Variants in ZNF616 observed in about 807,000 individuals in gnomAD.
The protein encoded by ZNF616 is zinc finger protein 616.
A neutral mutation model predicts 7.6 loss-of-function variants in ZNF616; 5 were observed. That is an observed-to-expected ratio of 0.66 (90% CI 0.34 to 1.38). The LOEUF (loss-of-function observed/expected upper bound fraction) is 1.38. Among genes scored for constraint, ZNF616 ranks in the 40% most tolerant of loss-of-function variants. The pLI is 0.04. For synonymous variants in ZNF616, 319 were observed against 317.2 expected (o/e 1.01, Z -0.06); for missense variants, 913 against 948.3 (o/e 0.96, Z 0.49).
chr19:52,118,146 T>C (rs932854092), intron 3 of ZNF616, among the ~76,000 whole-genome samples: 3 of 152,148 alleles, frequency 2.0e-5, no homozygotes, highest in Non-Finnish European at 4.4e-5. Flanking sequence ...AGTTTTCCTA[T>C]GTTGCTCAGG....
At chr19:52,121,246 G>A (rs112510892) in intron 3 of ZNF616, among the ~76,000 whole-genome samples, 3,119 of 152,212 alleles carry the variant, frequency 0.02, 115 homozygotes, top group African/African-American at 0.071. Flanking sequence ...GTAGCGACGC[G>A]GTTTCGCCAT....
At chr19:52,120,565 C>CA (rs1301732398) in intron 3 of ZNF616, among the ~76,000 whole-genome samples, 1 of 152,112 alleles carries the variant, frequency 6.6e-6, no homozygotes, top group Non-Finnish European at 1.5e-5. Context: ...ATACTATCCA[C>CA]AAAAGATTCA....
chr19:52,115,170 T>G lies in ZNF616; in HGVS notation c.1994A>C (p.Glu665Ala). The G allele has an allele frequency of 1.9e-6, 3 of 1,614,194 alleles. No individual in the cohort carries two copies. The highest frequency in any genetic ancestry group is 2.5e-6 in the Non-Finnish European group (3 of 1,180,034). Reference protein sequence around the residue: ...HTGDRPYKCNECGKTFKRSSN... With the variant: ...HTGDRPYKCNACGKTFKRSSN... ...GCTCCGTTTAAAGGTTTTGCCACAC[T>G]CATTACATTTGTAAGGTCTGTCTCC... The change falls in exon 4 of 4, where the codon GAG becomes GCG. Residue 665 changes from glutamate to alanine, a missense_variant. Physicochemically the swap from Glu to Ala is moderately radical, Grantham distance 107. Coordinates refer to ENST00000600228, the MANE Select transcript of ZNF616 (RefSeq NM_178523.5).
Position 52,115,104 on chromosome 19 carries a change from T to C in ZNF616, c.2060A>G (p.Lys687Arg). The change falls in exon 4 of 4, where the codon AAA (lysine) becomes AGA (arginine). Residue 687 changes from lysine to arginine, a missense_variant. Coordinates refer to ENST00000600228, the MANE Select transcript of ZNF616 (RefSeq NM_178523.5). ...TAHQIIHAGK[K>R]PYKCDECGKV... is the part of the protein sequence containing the mutation. ...GCCACATTCATCACATTTATATGGT[T>C]TCTTTCCTGCATGAATTATCTGATG... is the stretch of plus-strand genomic sequence containing the variant. The C allele has an allele frequency of 6.2e-7, 1 of 1,614,144 alleles. No individual in the cohort carries two copies. Among genetic ancestry groups the C allele is most frequent in the Non-Finnish European group, 8.5e-7 (1 of 1,180,002 alleles).
chr19:52,128,531 C>T (rs1053071144), intron 2 of ZNF616, among the ~76,000 whole-genome samples: 3 of 151,920 alleles, frequency 2.0e-5, no homozygotes, highest in Non-Finnish European at 4.4e-5. Context: ...TCACCTGAGG[C>T]CGGAAGTTTG....
intron 3 of ZNF616, among the ~76,000 whole-genome samples, chr19:52,119,375 G>GA (rs578045603): frequency 9.2e-4 from 127 of 138,406 alleles, no homozygotes; most frequent in East Asian, 3.1e-3. Flanking sequence ...GACTCCATAT[G>GA]AAAAAAAAAA....
chr19:52,135,649 T>A (rs1465024558), intron 1 of ZNF616, among the ~76,000 whole-genome samples: 1 of 152,148 alleles, frequency 6.6e-6, no homozygotes, highest in African/African-American at 2.4e-5. Context: ...TAGGACTTGC[T>A]CCTCAATTCA....
intron 1 of ZNF616, among the ~76,000 whole-genome samples, chr19:52,134,646 T>C (rs1246915511): frequency 3.3e-5 from 5 of 152,204 alleles, no homozygotes; most frequent in African/African-American, 1.2e-4. Context: ...TGTTGTCTGC[T>C]GGAGAATTTT....
rs115747743 is a variant in ZNF616, at chr19:52,114,871, T to C, written c.2293A>G (p.Ile765Val). ...ICRSGLTKHR[I>V]RHTGESLTTK... ...GTAAGGCTCTCTCCAGTATGTCTTA[T>C]TCGATGTTTAGTGAGGCCTGAGCGA... Residue 765 changes from isoleucine (I) to valine (V), a missense_variant, in exon 4 of 4, where the codon ATA becomes GTA. By Grantham distance (29) the Ile-to-Val change is conservative. Transcript: ENST00000600228. The C allele has an allele frequency of 1.3e-3, 2,076 of 1,611,036 alleles. No individual in the cohort carries two copies. The highest frequency in any genetic ancestry group is 1.6e-3 in the Non-Finnish European group (1,917 of 1,178,380).
At chr19:52,128,202 A>AC (rs907126308) in intron 2 of ZNF616, among the ~76,000 whole-genome samples, 4 of 151,980 alleles carry the variant, frequency 2.6e-5, no homozygotes, top group African/African-American at 9.7e-5. Context: ...AAAAAAAAAA[A>AC]AACTTACTAC....
intron 2 of ZNF616, among the ~76,000 whole-genome samples, chr19:52,128,514 G>A (rs12162225): frequency 0.059 from 9,024 of 152,010 alleles, 534 homozygotes; most frequent in South Asian, 0.27. Flanking sequence ...AGGCCAAAGC[G>A]GGTGGATCAC....
intron 3 of ZNF616, among the ~76,000 whole-genome samples, chr19:52,123,018 T>C (rs1446525610): frequency 6.6e-6 from 1 of 152,196 alleles, no homozygotes; most frequent in Non-Finnish European, 1.5e-5. Flanking sequence ...ACAACACTAT[T>C]GAGTTTGTGT....
At chr19:52,130,788 A>G (rs1600127587) in intron 1 of ZNF616, among the ~76,000 whole-genome samples, 200 bp from the exon 2 acceptor site, 1 of 152,352 alleles carries the variant, frequency 6.6e-6, no homozygotes, top group African/African-American at 2.4e-5. Flanking sequence ...CTCTGGGAGA[A>G]GCCCACACAC....
chr19:52,115,285 G>A lies in ZNF616; in HGVS notation c.1879C>T (p.His627Tyr). 1 of 1,614,124 alleles carries A rather than the reference G, an allele frequency of 6.2e-7. No individual in the cohort carries two copies. Among genetic ancestry groups the A allele is most frequent in the Non-Finnish European group, 8.5e-7 (1 of 1,180,020 alleles). The change falls in exon 4 of 4, where the codon CAT (histidine) becomes TAT (tyrosine). Residue 627 changes from histidine to tyrosine, a missense_variant. Physicochemically the swap from His to Tyr is moderately conservative, Grantham distance 83 (BLOSUM62 2). Coordinates refer to ENST00000600228, the MANE Select transcript of ZNF616 (RefSeq NM_178523.5). Reference sequence around the variant, plus strand: ...CATTTGTAAGGTTTCTCTCCGGTATGAATTCTCTGATGTCTATTGAGTGTG... The same window carrying A: ...CATTTGTAAGGTTTCTCTCCGGTATAAATTCTCTGATGTCTATTGAGTGTG... ...GSTLNRHQRI[H>Y]TGEKPYKCNQ...
intron 3 of ZNF616, among the ~76,000 whole-genome samples, chr19:52,123,420 C>A (rs2088879859): frequency 6.6e-6 from 1 of 152,006 alleles, no homozygotes; most frequent in Non-Finnish European, 1.5e-5. Context: ...GGTGCCAAGA[C>A]CAGAGAATTC....
At chr19:52,135,454 A>G (rs1217957000) in intron 1 of ZNF616, among the ~76,000 whole-genome samples, 7 of 152,160 alleles carry the variant, frequency 4.6e-5, no homozygotes, top group African/African-American at 1.7e-4. Flanking sequence ...GATAGTCCAA[A>G]ATGCATCTAT....
intron 1 of ZNF616, among the ~76,000 whole-genome samples, chr19:52,137,695 T>C (rs2122178974): frequency 6.6e-6 from 1 of 152,312 alleles, no homozygotes; most frequent in African/African-American, 2.4e-5. Context: ...AGGAATCTAA[T>C]GTACTTCGTG....
At chr19:52,138,834 T>A (rs558712219) in intron 1 of ZNF616, 3 of 152,520 alleles carry the variant, frequency 2.0e-5, no homozygotes, top group Non-Finnish European at 4.4e-5. Context: ...CTACTCTCCT[T>A]TGTTACCCAC....
rs1343661308 is a variant in ZNF616, at chr19:52,116,295, A to C, written c.869T>G (p.Ile290Ser). 23 of 1,614,144 alleles carry C rather than the reference A, an allele frequency of 1.4e-5. No homozygotes were observed. The highest frequency in any genetic ancestry group is 1.9e-5 in the Non-Finnish European group (23 of 1,180,024). The change falls in exon 4 of 4, where the codon ATT becomes AGT. Residue 290 changes from isoleucine to serine, a missense_variant. Transcript: ENST00000600228. ...TTTGTAAGGTTTTTCACCGGTATGA[A>C]TTCTCTGATGAACTGCAAGGTGGGA... ...KSSHLAVHQR[I>S]HTGEKPYKCN... is the part of the protein sequence containing the mutation.
Sources: gnomAD v4.1 joint callset for allele counts (sites outside exome capture counted in the v4.1 genomes callset) on GRCh38, gnomAD v4.1.1 for gene constraint, MANE v1.5 for transcripts, NCBI Gene and HGNC (gene_info 2026-07-23, HGNC 2026-07-21) for gene names.